EPHB1: variants seen among roughly 807,000 people sequenced by gnomAD.
EPHB1 encodes the protein ephrin type-B receptor 1.
In EPHB1, 30 loss-of-function variants were observed where a neutral mutation model predicts 94.4. The ratio of observed to expected loss-of-function variants is 0.32; its 90% CI spans 0.24 to 0.43. EPHB1 has a LOEUF of 0.43. EPHB1 is among the 20% of genes least tolerant of loss of function. EPHB1 has a pLI of 1.00. For missense variants in EPHB1, 1,055 were observed against 1,308.3 expected, an observed-to-expected ratio of 0.81 and a Z score of 2.99; for synonymous variants, 522 against 489.1, an observed-to-expected ratio of 1.07 and a Z score of -0.89.
At chr3:135,106,704 A>G in intron 4 of EPHB1, 101 bp downstream of exon 4, 1 of 1,445,514 alleles carries the variant, frequency 6.9e-7, no homozygotes, top group Non-Finnish European at 9.5e-7. Context: ...CTTTGATCCC[A>G]GGGCAAAGCA....
At chr3:135,087,864 T>C (rs1338357455) in intron 3 of EPHB1, among the ~76,000 whole-genome samples, 1 of 152,090 alleles carries the variant, frequency 6.6e-6, no homozygotes, top group Non-Finnish European at 1.5e-5. Context: ...TTACACTCTA[T>C]TCATTTTTCT....
At chr3:135,229,445 C>G (rs77381234) in intron 12 of EPHB1, among the ~76,000 whole-genome samples, 8,062 of 151,970 alleles carry the variant, frequency 0.053, 450 homozygotes, top group East Asian at 0.3. Flanking sequence ...TGTTGGAGGG[C>G]GGGGGCAGGA....
intron 1 of EPHB1, among the ~76,000 whole-genome samples, chr3:134,851,001 A>G (rs1319842376): frequency 6.6e-6 from 1 of 152,254 alleles, no homozygotes; most frequent in Non-Finnish European, 1.5e-5. Context: ...GGACCAGGAA[A>G]GGCCTTTTTC....
chr3:134,949,501 G>A (rs1253150542), intron 2 of EPHB1, among the ~76,000 whole-genome samples: 2 of 152,076 alleles, frequency 1.3e-5, no homozygotes, highest in African/African-American at 4.8e-5. Flanking sequence ...CTCCACAGGG[G>A]GCTTTACTCC....
chr3:135,181,775 G>A (rs1307612252), intron 10 of EPHB1, among the ~76,000 whole-genome samples: 1 of 151,946 alleles, frequency 6.6e-6, no homozygotes, highest in Non-Finnish European at 1.5e-5. Flanking sequence ...GCTGCTGGAT[G>A]CCTGTAAAAG....
intron 12 of EPHB1, among the ~76,000 whole-genome samples, chr3:135,240,461 A>G (rs1048894255): frequency 2.0e-5 from 3 of 152,158 alleles, no homozygotes; most frequent in African/African-American, 7.2e-5. Context: ...CAAGCCTAAG[A>G]GTGGCCCTGT....
At chr3:135,153,037 T>C (rs1941240969) in intron 5 of EPHB1, among the ~76,000 whole-genome samples, 1 of 152,170 alleles carries the variant, frequency 6.6e-6, no homozygotes, top group Admixed American at 6.5e-5. Flanking sequence ...ATCCTCTCCC[T>C]GAGGGGCTGC....
At chr3:134,916,372 G>A (rs940958132) in intron 1 of EPHB1, among the ~76,000 whole-genome samples, 15 of 152,238 alleles carry the variant, frequency 9.9e-5, no homozygotes, top group Non-Finnish European at 2.1e-4. Context: ...TCAGCCCTTG[G>A]GCGGTCGATG....
rs1033771083 is a variant in EPHB1 at position 134,886,993 on chromosome 3, T to C, written c.59-38823T>C. ...AAAAAAAATTGGAGATATATAATCA[T>C]GGAGCAACAGATATGGGGCAGTGGT... On this transcript the variant is annotated intron_variant, in intron 1 of 15. Transcript: ENST00000398015. 2.0e-5 allele frequency among the ~76,000 whole-genome samples: 3 copies of C among 152,250 alleles called. No individual in the cohort carries two copies. In the East Asian group the frequency reaches 5.8e-4, roughly 29 times the overall value.
At chr3:135,150,667 C>T (rs898826058) in intron 5 of EPHB1, among the ~76,000 whole-genome samples, 1 of 152,066 alleles carries the variant, frequency 6.6e-6, no homozygotes, top group Non-Finnish European at 1.5e-5. Context: ...GTGGCTTTTC[C>T]TTCTCAGGCC....
At chr3:135,224,846 C>T (rs1467858041) in intron 12 of EPHB1, among the ~76,000 whole-genome samples, 1 of 152,216 alleles carries the variant, frequency 6.6e-6, no homozygotes, top group Non-Finnish European at 1.5e-5. Context: ...ACATTTTGAA[C>T]ATTACATTCT....
chr3:134,850,871 A>G (rs916527554), intron 1 of EPHB1, among the ~76,000 whole-genome samples: 6 of 152,252 alleles, frequency 3.9e-5, no homozygotes, highest in Non-Finnish European at 7.3e-5. Context: ...GCTGGAGCAG[A>G]TCATTCTAAC....
rs1480515100 is a variant in EPHB1, at chr3:135,248,409, G to A, written c.2590G>A (p.Asp864Asn). 6.2e-7 allele frequency: 1 copy of A among 1,613,894 alleles called. No individual in the cohort carries two copies. The highest frequency in any genetic ancestry group is 1.3e-5 in the African/African-American group (1 of 75,022). Reference protein sequence around the residue: ...HQLMLDCWQKDRNSRPRFAEI... With the variant: ...HQLMLDCWQKNRNSRPRFAEI... ...GCTCATGCTGGACTGTTGGCAGAAG[G>A]ACCGGAACAGCCGGCCCCGGTTTGC... Residue 864 changes from aspartate (D) to asparagine (N), a missense_variant, in exon 14 of 16, where the codon GAC (aspartate) becomes AAC (asparagine). Coordinates refer to ENST00000398015, the MANE Select transcript of EPHB1 (RefSeq NM_004441.5).
At chr3:134,928,549 T>C (rs1442521484) in intron 2 of EPHB1, among the ~76,000 whole-genome samples, 1 of 152,186 alleles carries the variant, frequency 6.6e-6, no homozygotes, top group Non-Finnish European at 1.5e-5. Flanking sequence ...GTGCCATCCT[T>C]GGAGTCAGAG....
In EPHB1 at chr3:135,053,023, G is replaced by GTATATATA. The variant is rs1419499793; in HGVS notation, c.806-53424_806-53423insATATATAT. Among the ~76,000 whole-genome samples the GTATATATA allele has an allele frequency of 8.1e-3, 555 of 68,532 alleles. 38 individuals are homozygous for GTATATATA. Among genetic ancestry groups the GTATATATA allele is most frequent in the African/African-American group, 0.029 (505 of 17,714 alleles). The allele number at this position is 68,532 out of a possible 152,430, so 45.0% of individuals were successfully genotyped here. On this transcript the variant is annotated intron_variant, in intron 3 of 15. Transcript: ENST00000398015. ...TGTGTGTGTATATATATGTGTGTGT[G>GTATATATA]TGTGTATATATATATATATATATAT...
At chr3:134,821,974 G>T (rs931341525) in intron 1 of EPHB1, among the ~76,000 whole-genome samples, 16 of 152,208 alleles carry the variant, frequency 1.1e-4, no homozygotes, top group South Asian at 8.3e-4. Flanking sequence ...TCATCCAGGA[G>T]AACTTTGGTT....
intron 1 of EPHB1, among the ~76,000 whole-genome samples, chr3:134,838,831 TAAAG>T (rs958005090): frequency 7.9e-5 from 12 of 152,188 alleles, no homozygotes; most frequent in African/African-American, 2.9e-4. Flanking sequence ...GAAAAGTAAA[TAAAG>T]AGACTGCTTT....
chr3:135,059,683 G>A (rs929774745), intron 3 of EPHB1, among the ~76,000 whole-genome samples: 1 of 152,162 alleles, frequency 6.6e-6, no homozygotes, highest in African/African-American at 2.4e-5. Flanking sequence ...TGATGCAGGT[G>A]GTGATTATTT....
At chr3:134,872,836 A>C (rs2037530927) in intron 1 of EPHB1, among the ~76,000 whole-genome samples, 1 of 152,196 alleles carries the variant, frequency 6.6e-6, no homozygotes, top group South Asian at 2.1e-4. Flanking sequence ...GAGGCAGGGA[A>C]TACACCTTAT....
Sources: gnomAD v4.1 joint callset for allele counts (sites outside exome capture counted in the v4.1 genomes callset) on GRCh38, gnomAD v4.1.1 for gene constraint, MANE v1.5 for transcripts, NCBI Gene and HGNC (gene_info 2026-07-23, HGNC 2026-07-21) for gene names.